Variants in ZCCHC7 observed in about 807,000 individuals in gnomAD.
The protein encoded by ZCCHC7 is zinc finger CCHC domain-containing protein 7.
In ZCCHC7, 35 loss-of-function variants were observed where a neutral mutation model predicts 52.0. The observed-to-expected ratio is 0.67, with a 90% CI of 0.51 to 0.89. The LOEUF (loss-of-function observed/expected upper bound fraction) is 0.89, where lower values mean the gene tolerates loss of function less well. Among genes scored for constraint, ZCCHC7 ranks in the 40% least tolerant of loss-of-function variants. The probability of loss-of-function intolerance (pLI) is 0.00; values close to 1 mark genes in which losing one functional copy is unlikely to be tolerated. For synonymous variants in ZCCHC7, 217 were observed against 221.5 expected (o/e 0.98, Z 0.18); for missense variants, 574 against 649.1 (o/e 0.88, Z 1.26).
intron 5 of ZCCHC7, among the ~76,000 whole-genome samples, chr9:37,306,815 T>C (rs1055495365): frequency 8.6e-6 from 1 of 116,310 alleles, no homozygotes. Flanking sequence ...GGAGACAGGG[T>C]CTCGCTCTGT....
At chr9:37,332,806 AAGG>A (rs1830502926) in intron 6 of ZCCHC7, among the ~76,000 whole-genome samples, 1 of 151,622 alleles carries the variant, frequency 6.6e-6, no homozygotes, top group African/African-American at 2.4e-5. Context: ...CTGTAAAGGA[AAGG>A]GGGAAAAATG....
intron 2 of ZCCHC7, among the ~76,000 whole-genome samples, chr9:37,209,961 C>G (rs541705309): frequency 6.6e-6 from 1 of 151,998 alleles, no homozygotes; most frequent in Non-Finnish European, 1.5e-5. Flanking sequence ...TCATTTGACC[C>G]CATGATATAG....
rs73448482 is a variant in ZCCHC7, at chr9:37,245,674, T to C, written c.611-56514T>C. On this transcript the variant is annotated intron_variant, in intron 2 of 8. Coordinates refer to ENST00000336755, the MANE Select transcript of ZCCHC7 (RefSeq NM_032226.3). ...GACGTCTAGGACTCTGAATTCACTTTTGGGAAATCAGGTAAGACTTCTTTA... is the reference window on the plus strand; with the variant it reads ...GACGTCTAGGACTCTGAATTCACTTCTGGGAAATCAGGTAAGACTTCTTTA... Among the ~76,000 whole-genome samples the C allele has an allele frequency of 4.4e-3, 666 of 152,116 alleles. 3 individuals are homozygous for C. The highest frequency in any genetic ancestry group is 0.015 in the African/African-American group (637 of 41,558).
At chr9:37,224,633 A>C (rs1825000927) in intron 2 of ZCCHC7, among the ~76,000 whole-genome samples, 1 of 152,238 alleles carries the variant, frequency 6.6e-6, no homozygotes, top group African/African-American at 2.4e-5. Context: ...GAAGGCAGAC[A>C]TACTGAGATC....
chr9:37,349,710 T>C (rs906185407), intron 7 of ZCCHC7, among the ~76,000 whole-genome samples: 3 of 152,138 alleles, frequency 2.0e-5, no homozygotes, highest in Admixed American at 1.3e-4. Flanking sequence ...CAAACAAATA[T>C]AATAGTCAAC....
intron 2 of ZCCHC7, among the ~76,000 whole-genome samples, chr9:37,142,228 A>T (rs941066284): frequency 6.6e-6 from 1 of 151,746 alleles, no homozygotes; most frequent in Non-Finnish European, 1.5e-5. Context: ...GCTAAAAAAA[A>T]CCTTGTAATG....
At chr9:37,199,180 T>C (rs1446068181) in intron 2 of ZCCHC7, among the ~76,000 whole-genome samples, 1 of 152,180 alleles carries the variant, frequency 6.6e-6, no homozygotes, top group Non-Finnish European at 1.5e-5. Context: ...CCACTTTGTT[T>C]TCCTGTTTAA....
chr9:37,173,451 AC>A (rs1214675280), intron 2 of ZCCHC7, among the ~76,000 whole-genome samples: 3 of 152,220 alleles, frequency 2.0e-5, no homozygotes, highest in Non-Finnish European at 4.4e-5. Context: ...AATAAGGAAA[AC>A]ATTCTTTTCC....
At chr9:37,218,513 A>C (rs1824633365) in intron 2 of ZCCHC7, among the ~76,000 whole-genome samples, 1 of 152,152 alleles carries the variant, frequency 6.6e-6, no homozygotes, top group African/African-American at 2.4e-5. Flanking sequence ...AATGCATTCA[A>C]ATTGTGTCCT....
At chr9:37,226,210 G>A (rs1253464563) in intron 2 of ZCCHC7, among the ~76,000 whole-genome samples, 1 of 152,132 alleles carries the variant, frequency 6.6e-6, no homozygotes, top group Non-Finnish European at 1.5e-5. Flanking sequence ...CAAAAAATGT[G>A]AAATATTAAT....
At chr9:37,177,198 G>A (rs904567772) in intron 2 of ZCCHC7, among the ~76,000 whole-genome samples, 1 of 152,160 alleles carries the variant, frequency 6.6e-6, no homozygotes, top group Non-Finnish European at 1.5e-5. Flanking sequence ...AGCTGGGTGT[G>A]GTGGCACACA....
intron 5 of ZCCHC7, among the ~76,000 whole-genome samples, chr9:37,326,358 GT>G (rs1830239135): frequency 6.6e-6 from 1 of 151,748 alleles, no homozygotes; most frequent in African/African-American, 2.4e-5. Flanking sequence ...CATCAGTGTT[GT>G]TCATCCAGAA....
chr9:37,139,310 A>G (rs934313547), intron 2 of ZCCHC7, among the ~76,000 whole-genome samples: 4 of 152,048 alleles, frequency 2.6e-5, no homozygotes, highest in African/African-American at 9.6e-5. Context: ...GTTAAGAAAT[A>G]AATATTTTAA....
chr9:37,304,134 C>A, intron 3 of ZCCHC7, 54 bp from the exon 4 acceptor site: 1 of 1,563,192 alleles, frequency 6.4e-7, no homozygotes, highest in African/African-American at 1.4e-5. Context: ...TAGTAGATGG[C>A]TTTTATTTAG....
intron 5 of ZCCHC7, among the ~76,000 whole-genome samples, chr9:37,321,057 C>T (rs1192971229): frequency 1.4e-5 from 2 of 143,126 alleles, no homozygotes; most frequent in Non-Finnish European, 3.0e-5. Flanking sequence ...GGCGTAATCT[C>T]GGCTCACTGC....
chr9:37,217,774 C>T (rs912074073), intron 2 of ZCCHC7, among the ~76,000 whole-genome samples: 2 of 152,214 alleles, frequency 1.3e-5, no homozygotes, highest in Admixed American at 1.3e-4. Flanking sequence ...TTACACACAA[C>T]TTAGAGAAAA....
intron 2 of ZCCHC7, among the ~76,000 whole-genome samples, chr9:37,211,622 A>G (rs1010827761): frequency 6.6e-6 from 1 of 152,104 alleles, no homozygotes; most frequent in Non-Finnish European, 1.5e-5. Context: ...TAATTATGTG[A>G]TATTATTTTA....
chr9:37,255,472 T>C (rs1826541545), intron 2 of ZCCHC7, among the ~76,000 whole-genome samples: 1 of 152,122 alleles, frequency 6.6e-6, no homozygotes, highest in South Asian at 2.1e-4. Context: ...GTGCAAGATT[T>C]CATCATGCTA....
At chr9:37,311,680 G>A (rs1017758803) in intron 5 of ZCCHC7, among the ~76,000 whole-genome samples, 2 of 152,136 alleles carry the variant, frequency 1.3e-5, no homozygotes, top group Non-Finnish European at 2.9e-5. Context: ...AAAGCGCTGG[G>A]GTTAACAGGC....
Sources: gnomAD v4.1 joint callset for allele counts (sites outside exome capture counted in the v4.1 genomes callset) on GRCh38, gnomAD v4.1.1 for gene constraint, MANE v1.5 for transcripts, NCBI Gene and HGNC (gene_info 2026-07-23, HGNC 2026-07-21) for gene names.